Variants in NRG3 observed in about 807,000 individuals in gnomAD.
NRG3 encodes the protein pro-neuregulin-3, membrane-bound isoform.
A neutral mutation model predicts 66.9 loss-of-function variants in NRG3; 31 were observed. The ratio of observed to expected loss-of-function variants is 0.46; its 90% confidence interval spans 0.35 to 0.63. NRG3 has a LOEUF of 0.63. Ranked by LOEUF, NRG3 falls within the 20% of genes least tolerant of loss-of-function variation. The pLI, the probability that NRG3 is intolerant of heterozygous loss-of-function variation, is 0.00. For missense variants in NRG3, 910 were observed against 878.9 expected (o/e 1.04, Z -0.45); for synonymous variants, 393 against 359.4 (o/e 1.09, Z -1.06).
chr10:82,562,334 T>C (rs569272382), intron 2 of NRG3, among the ~76,000 whole-genome samples: 1 of 152,294 alleles, frequency 6.6e-6, no homozygotes, highest in African/African-American at 2.4e-5. Flanking sequence ...AGAGTATAGC[T>C]GATTGAGAGA....
At chr10:82,414,042 A>G (rs999013025) in intron 2 of NRG3, among the ~76,000 whole-genome samples, 2 of 152,008 alleles carry the variant, frequency 1.3e-5, no homozygotes, top group Non-Finnish European at 2.9e-5. Context: ...AGCACTTTTA[A>G]TTTTCCTCAG....
chr10:82,729,132 C>A (rs1461505084), intron 2 of NRG3, among the ~76,000 whole-genome samples: 3 of 152,132 alleles, frequency 2.0e-5, no homozygotes, highest in Non-Finnish European at 4.4e-5. Flanking sequence ...GAATTGGAGA[C>A]CATCCTGCAG....
chr10:82,211,191 T>C (rs1323692264), intron 1 of NRG3, among the ~76,000 whole-genome samples: 1 of 152,138 alleles, frequency 6.6e-6, no homozygotes, highest in Non-Finnish European at 1.5e-5. Flanking sequence ...CTCATTTAAT[T>C]CTTTTCTTTA....
At chr10:82,358,974 C>A in intron 2 of NRG3, 106 bp downstream of exon 2, 1 of 1,474,386 alleles carries the variant, frequency 6.8e-7, no homozygotes, top group Non-Finnish European at 9.3e-7. Flanking sequence ...TACACACAGT[C>A]CCACCGTTTG....
intron 2 of NRG3, among the ~76,000 whole-genome samples, chr10:82,495,831 C>CACAG (rs1843580025): frequency 6.6e-6 from 1 of 151,714 alleles, no homozygotes; most frequent in Non-Finnish European, 1.5e-5. Context: ...CACACACACA[C>CACAG]ACACACACAC....
At chr10:82,755,822 A>AG (rs2059054771) in intron 3 of NRG3, among the ~76,000 whole-genome samples, 1 of 152,104 alleles carries the variant, frequency 6.6e-6, no homozygotes, top group African/African-American at 2.4e-5. Context: ...TACACCATCT[A>AG]CTTCACATTT....
intron 2 of NRG3, among the ~76,000 whole-genome samples, chr10:82,405,044 G>A (rs902704038): frequency 6.6e-6 from 1 of 152,114 alleles, no homozygotes; most frequent in Admixed American, 6.6e-5. Context: ...CACAATTTCT[G>A]TTCTGATGAA....
intron 1 of NRG3, among the ~76,000 whole-genome samples, chr10:82,345,210 G>A (rs1318846789): frequency 1.4e-5 from 2 of 142,072 alleles, no homozygotes; most frequent in Non-Finnish European, 3.0e-5. Context: ...TAACGTTTAA[G>A]TCTTTAATCC....
chr10:82,561,509 C>T (rs971474894), intron 2 of NRG3, among the ~76,000 whole-genome samples: 6 of 152,064 alleles, frequency 3.9e-5, no homozygotes, highest in African/African-American at 1.4e-4. Flanking sequence ...ACAAATTAGC[C>T]GGGCATTGTG....
chr10:82,906,917 A>G (rs1304632434), intron 4 of NRG3, among the ~76,000 whole-genome samples: 1 of 152,200 alleles, frequency 6.6e-6, no homozygotes, highest in African/African-American at 2.4e-5. Context: ...GATTATACAC[A>G]TAAGGAAATA....
At chr10:82,123,204 T>C (rs1420335826) in intron 1 of NRG3, among the ~76,000 whole-genome samples, 1 of 152,124 alleles carries the variant, frequency 6.6e-6, no homozygotes, top group Non-Finnish European at 1.5e-5. Context: ...GAAAGGCATA[T>C]TACTAGAAGT....
intron 1 of NRG3, among the ~76,000 whole-genome samples, chr10:81,933,505 T>TG (rs1379229889): frequency 1.3e-5 from 2 of 152,228 alleles, no homozygotes; most frequent in African/African-American, 4.8e-5. Flanking sequence ...TGTGTATACA[T>TG]GTGCCATGTT....
intron 3 of NRG3, among the ~76,000 whole-genome samples, chr10:82,822,941 G>T (rs189555595): frequency 2.0e-5 from 3 of 152,132 alleles, no homozygotes; most frequent in Non-Finnish European, 4.4e-5. Context: ...AGTATATAGC[G>T]GGGCTAACAG....
chr10:82,531,795 A>G (rs1226417559), intron 2 of NRG3, among the ~76,000 whole-genome samples: 1 of 151,794 alleles, frequency 6.6e-6, no homozygotes, highest in South Asian at 2.1e-4. Flanking sequence ...TCTTTTCTTT[A>G]AATTTTTATT....
chr10:82,579,164 TA>T (rs767158361), intron 2 of NRG3, among the ~76,000 whole-genome samples: 9 of 151,358 alleles, frequency 5.9e-5, no homozygotes, highest in South Asian at 2.1e-4. Flanking sequence ...AAATCATCCT[TA>T]AAAAAAACAG....
intron 1 of NRG3, among the ~76,000 whole-genome samples, chr10:82,008,542 A>G (rs1393258390): frequency 6.6e-6 from 1 of 152,180 alleles, no homozygotes; most frequent in Non-Finnish European, 1.5e-5. Context: ...TTAATTAGGA[A>G]AAGTAAGTTT....
chr10:81,952,181 T>A (rs1030683908), intron 1 of NRG3, among the ~76,000 whole-genome samples: 2 of 152,144 alleles, frequency 1.3e-5, no homozygotes, highest in African/African-American at 4.8e-5. Context: ...ACGTGGCACA[T>A]GTATGCATAT....
At chr10:82,534,137 G>T (rs1847579885) in intron 2 of NRG3, among the ~76,000 whole-genome samples, 2 of 152,030 alleles carry the variant, frequency 1.3e-5, no homozygotes, top group African/African-American at 2.4e-5. Flanking sequence ...AAATGGAAAG[G>T]TATTTTGTTT....
intron 3 of NRG3, among the ~76,000 whole-genome samples, chr10:82,786,805 C>T (rs1317655825): frequency 2.0e-5 from 3 of 152,118 alleles, no homozygotes; most frequent in East Asian, 3.9e-4. Flanking sequence ...TCTGCTTTCA[C>T]GAGTAGGTTA....
Sources: allele counts gnomAD v4.1 joint callset (sites outside exome capture counted in the v4.1 genomes callset), GRCh38; gene constraint gnomAD v4.1.1; transcripts MANE v1.5; gene names NCBI Gene and HGNC (gene_info 2026-07-23, HGNC 2026-07-21).